CHD9: variants seen among roughly 807,000 people sequenced by gnomAD.
CHD9 encodes the protein ATP-dependent chromatin remodeler CHD9.
In CHD9, 77 loss-of-function variants were observed where a neutral mutation model predicts 316.1. The observed-to-expected ratio is 0.24, with a 90% CI of 0.20 to 0.29. The LOEUF is 0.29. Among genes scored for constraint, CHD9 ranks in the 10% least tolerant of loss-of-function variants. CHD9 has a pLI of 1.00. For synonymous variants in CHD9, 1,129 were observed against 1,158.3 expected (o/e 0.97, Z 0.51); for missense variants, 2,763 against 3,438.1 (o/e 0.80, Z 4.91).
At chr16:53,298,579 A>C (rs1276184090) in intron 30 of CHD9, 1 of 152,438 alleles carries the variant, frequency 6.6e-6, no homozygotes, top group Non-Finnish European at 1.5e-5. Flanking sequence ...AACAGGAGCC[A>C]GGAGGTCGAG....
intron 37 of CHD9, chr16:53,319,852 T>G: frequency 8.0e-7 from 1 of 1,254,958 alleles, no homozygotes; most frequent in Non-Finnish European, 1.0e-6. Flanking sequence ...AGAATCTACC[T>G]GCTAAATCCC....
At position 53,156,290 on chromosome 16, in the gene CHD9, T is replaced by C. The variant is rs778013028; in HGVS notation, c.201T>C (p.Asp67=). ...QGTPTHQKMT[D]FEQLNQFDSI... The stretch of plus-strand genomic sequence containing the variant: ...CTCCAACACATCAGAAGATGACTGA[T>C]TTTGAACAGTTAAATCAATTTGATT... The change falls in exon 2 of 39, where the codon GAT becomes GAC. Residue 67 remains aspartate, a synonymous_variant. Coordinates refer to ENST00000447540, the MANE Select transcript of CHD9 (RefSeq NM_001308319.2). 5 of 1,614,000 alleles carry C rather than the reference T, an allele frequency of 3.1e-6. No homozygotes were observed. The highest frequency in any genetic ancestry group is 3.4e-6 in the Non-Finnish European group (4 of 1,179,872).
intron 1 of CHD9, among the ~76,000 whole-genome samples, chr16:53,125,577 C>T (rs758127165): frequency 1.3e-5 from 2 of 152,068 alleles, no homozygotes; most frequent in African/African-American, 2.4e-5. Context: ...TAAGGTGATA[C>T]CCATTCAGTA....
intron 1 of CHD9, among the ~76,000 whole-genome samples, chr16:53,155,667 A>G (rs1170127149): frequency 2.0e-5 from 3 of 152,120 alleles, no homozygotes; most frequent in Non-Finnish European, 4.4e-5. Context: ...AAGAAATCCC[A>G]TAACCTGTAG....
At chr16:53,264,248 A>T (rs2051427622) in intron 20 of CHD9, among the ~76,000 whole-genome samples, 1 of 152,142 alleles carries the variant, frequency 6.6e-6, no homozygotes, top group South Asian at 2.1e-4. Flanking sequence ...AAATAATTTT[A>T]AATTTTTTTG....
At chr16:53,133,723 C>T (rs989409046) in intron 1 of CHD9, among the ~76,000 whole-genome samples, 4 of 152,054 alleles carry the variant, frequency 2.6e-5, no homozygotes, top group Non-Finnish European at 4.4e-5. Context: ...GGAAAAAGCC[C>T]GTGACAAGAT....
intron 1 of CHD9, among the ~76,000 whole-genome samples, chr16:53,131,505 C>T (rs1299174446): frequency 1.3e-5 from 2 of 149,894 alleles, no homozygotes; most frequent in East Asian, 3.9e-4. Context: ...CCGCGCCTGT[C>T]ATGGCTGCGG....
At chr16:53,098,636 C>T (rs539978637) in intron 1 of CHD9, among the ~76,000 whole-genome samples, 1 of 152,250 alleles carries the variant, frequency 6.6e-6, no homozygotes, top group East Asian at 1.9e-4. Flanking sequence ...GAGCAGGCCA[C>T]CTCAAGTGTG....
intron 1 of CHD9, among the ~76,000 whole-genome samples, chr16:53,140,760 A>T (rs2040053243): frequency 6.6e-6 from 1 of 152,134 alleles, no homozygotes; most frequent in Admixed American, 6.6e-5. Flanking sequence ...GCTAATATTT[A>T]AAAAATGTTT....
chr16:53,294,066 A>G (rs1336542990), intron 29 of CHD9, among the ~76,000 whole-genome samples: 3 of 152,214 alleles, frequency 2.0e-5, no homozygotes, highest in Non-Finnish European at 4.4e-5. Context: ...TGGAAAGCAT[A>G]TGTTCCTTTA....
chr16:53,065,773 ACTTGCT>A (rs753158145), intron 1 of CHD9, among the ~76,000 whole-genome samples: 34 of 152,014 alleles, frequency 2.2e-4, no homozygotes, highest in Admixed American at 2.2e-3. Context: ...ACTCTCAAAG[ACTTGCT>A]CTTTGGTACT....
At chr16:53,112,979 G>T (rs2037984983) in intron 1 of CHD9, among the ~76,000 whole-genome samples, 1 of 152,168 alleles carries the variant, frequency 6.6e-6, no homozygotes. Context: ...TCCAGCCTAG[G>T]TGACAGAGCG....
intron 3 of CHD9, among the ~76,000 whole-genome samples, chr16:53,212,685 A>T (rs1255957508): frequency 6.6e-6 from 1 of 152,154 alleles, no homozygotes; most frequent in South Asian, 2.1e-4. Flanking sequence ...TCTGTGAGTT[A>T]GAGTGGGCAT....
chr16:53,258,227 G>A (rs1036764220), intron 19 of CHD9, among the ~76,000 whole-genome samples: 7 of 152,018 alleles, frequency 4.6e-5, no homozygotes, highest in African/African-American at 1.4e-4. Context: ...CATAATAATC[G>A]TACTTGGCCT....
intron 3 of CHD9, among the ~76,000 whole-genome samples, chr16:53,221,677 G>T (rs954205542): frequency 6.6e-6 from 1 of 152,052 alleles, no homozygotes; most frequent in Non-Finnish European, 1.5e-5. Flanking sequence ...ATACATATAT[G>T]ACGATATACT....
At chr16:53,279,062 A>G (rs1215471194) in intron 24 of CHD9, among the ~76,000 whole-genome samples, 1 of 152,210 alleles carries the variant, frequency 6.6e-6, no homozygotes, top group African/African-American at 2.4e-5. Context: ...ATGCACACGT[A>G]CGTATATTGC....
chr16:53,253,512 G>A (rs184241136), intron 17 of CHD9, among the ~76,000 whole-genome samples: 6 of 151,988 alleles, frequency 3.9e-5, no homozygotes, highest in Non-Finnish European at 7.4e-5. Flanking sequence ...TTAGGTGATG[G>A]TTGCACCAAA....
Position 53,324,188 on chromosome 16 carries a change from C to A in CHD9, c.7987C>A (p.Leu2663Ile), listed in dbSNP as rs2057443847. ...VSGNPLLANG[L>I]LPGVDLTTLQ... ...AGGCAATCCTTTGTTAGCCAATGGA[C>A]TACTTCCAGGTGTGGATCTCACAAC... The change falls in exon 39 of 39, where the codon CTA (leucine) becomes ATA (isoleucine). Residue 2663 changes from leucine (L) to isoleucine (I), a missense_variant. Physicochemically the swap from Leu to Ile is conservative, Grantham distance 5. Coordinates refer to ENST00000447540, the MANE Select transcript of CHD9 (RefSeq NM_001308319.2). 1.2e-6 allele frequency: 2 copies of A among 1,614,036 alleles called. No individual in the cohort carries two copies. The highest frequency in any genetic ancestry group is 1.7e-6 in the Non-Finnish European group (2 of 1,179,886).
chr16:53,303,603 T>G (rs1297423974), intron 30 of CHD9, 117 bp from the exon 31 acceptor site: 1 of 715,136 alleles, frequency 1.4e-6, no homozygotes, highest in Non-Finnish European at 2.1e-6. Flanking sequence ...TGATATTGCA[T>G]GGAGGCACAT....
Sources: gnomAD v4.1 joint callset for allele counts (sites outside exome capture counted in the v4.1 genomes callset) on GRCh38, gnomAD v4.1.1 for gene constraint, MANE v1.5 for transcripts, NCBI Gene and HGNC (gene_info 2026-07-23, HGNC 2026-07-21) for gene names.